Variants in FMO2 observed in about 807,000 individuals in gnomAD.
The protein encoded by FMO2 is flavin-containing monooxygenase 2.
FMO2 carries 33 observed loss-of-function variants against 41.6 expected under a neutral mutation model. That is an observed-to-expected ratio of 0.79 (90% CI 0.60 to 1.06). FMO2 has a LOEUF of 1.06. Among genes scored for constraint, FMO2 ranks in the 50% least tolerant of loss-of-function variants. FMO2 has a pLI of 0.00. For synonymous variants in FMO2, 214 were observed against 219.6 expected, an observed-to-expected ratio of 0.97 and a Z score of 0.23; for missense variants, 619 against 632.9, an observed-to-expected ratio of 0.98 and a Z score of 0.23.
intron 2 of FMO2, among the ~76,000 whole-genome samples, chr1:171,191,860 C>CAAAAAAAAAAA (rs61114452): frequency 8.1e-5 from 6 of 73,754 alleles, no homozygotes; most frequent in African/African-American, 3.3e-4. Context: ...CTCATCTCTA[C>CAAAAAAAAAAA]AAAAAAAAAA....
chr1:171,200,297 C>T (rs13376335), intron 5 of FMO2, among the ~76,000 whole-genome samples: 17,849 of 152,138 alleles, frequency 0.12, 1,196 homozygotes, highest in African/African-American at 0.17. Flanking sequence ...ATTCATTACA[C>T]GATGATGCTG....
At chr1:171,199,104 T>A (rs1571282911) in intron 4 of FMO2, 2 of 322,224 alleles carry the variant, frequency 6.2e-6, no homozygotes. Context: ...GGTTTCACTA[T>A]GCTGCTCAGG....
chr1:171,199,134 CTCAA>C, intron 4 of FMO2: 1 of 392,724 alleles, frequency 2.5e-6, no homozygotes, highest in Non-Finnish European at 4.5e-6. Context: ...AACTCCTGGG[CTCAA>C]TCAACCTGCC....
chr1:171,187,789 A>C (rs1184308797), intron 2 of FMO2, among the ~76,000 whole-genome samples: 1 of 152,130 alleles, frequency 6.6e-6, no homozygotes, highest in South Asian at 2.1e-4. Context: ...TAAAAATCTG[A>C]TCATTCTACT....
chr1:171,193,624 C>T, intron 3 of FMO2, 101 bp downstream of exon 3: 2 of 773,816 alleles, frequency 2.6e-6, no homozygotes, highest in Non-Finnish European at 2.1e-6. Context: ...ATGAAGTATC[C>T]CATTCTAAGT....
Position 171,208,868 on chromosome 1 carries a change from G to A in FMO2, c.1331G>A (p.Gly444Asp). The A allele has an allele frequency of 2.5e-6, 4 of 1,613,964 alleles. No individual in the cohort carries two copies. Among genetic ancestry groups the A allele is most frequent in the Non-Finnish European group, 3.4e-6 (4 of 1,179,862 alleles). The change falls in exon 9 of 9, where the codon GGT (glycine) becomes GAT (aspartate). Residue 444 changes from glycine (G) to aspartate (D), a missense_variant. Gly to Asp is a moderately conservative substitution (Grantham distance 94). Transcript: ENST00000209929. The stretch of plus-strand genomic sequence containing the variant: ...TTGGACGAGCTCGCCTTAGAGATAG[G>A]TGCGAAGCCAGATTTCTGCTCTCTC... The part of the protein sequence containing the change: ...DYLDELALEI[G>D]AKPDFCSLLF...
chr1:171,206,453 G>A (rs1295048468), intron 7 of FMO2, among the ~76,000 whole-genome samples: 3 of 152,176 alleles, frequency 2.0e-5, no homozygotes, highest in Non-Finnish European at 2.9e-5. Flanking sequence ...TGACGTATGA[G>A]GCAGAGAGAG....
At position 171,185,816 on chromosome 1, in the gene FMO2, G is replaced by A. The variant is rs1164993582; in HGVS notation, c.103G>A (p.Glu35Lys). ...GLEPTCFERT[E>K]DIGGVWRFKE... is the part of the protein sequence containing the mutation. ...TGAGCCCACTTGCTTTGAGAGAACT[G>A]AAGATATTGGAGGAGTGTGGAGGTT... The change falls in exon 2 of 9, where the codon GAA (glutamate) becomes AAA (lysine). Residue 35 changes from glutamate (E) to lysine (K), a missense_variant. Transcript: ENST00000209929. The A allele has an allele frequency of 6.2e-7, 1 of 1,613,764 alleles. No homozygotes were observed. The highest frequency in any genetic ancestry group is 1.3e-5 in the African/African-American group (1 of 74,904).
intron 3 of FMO2, among the ~76,000 whole-genome samples, chr1:171,196,212 A>T (rs1658305838): frequency 6.6e-6 from 1 of 152,256 alleles, no homozygotes; most frequent in South Asian, 2.1e-4. Flanking sequence ...GGGAAAAAAT[A>T]CAATTACATA....
At chr1:171,204,243 A>C (rs1658660937) in intron 6 of FMO2, among the ~76,000 whole-genome samples, 179 bp downstream of exon 6, 1 of 152,198 alleles carries the variant, frequency 6.6e-6, no homozygotes, top group African/African-American at 2.4e-5. Flanking sequence ...CCTTTAAAAA[A>C]TACTTAAGAA....
intron 4 of FMO2, among the ~76,000 whole-genome samples, chr1:171,197,821 C>A (rs910659566): frequency 1.3e-5 from 2 of 152,126 alleles, no homozygotes; most frequent in African/African-American, 4.8e-5. Context: ...TGCTTGGCTC[C>A]CTCACCATAC....
At chr1:171,194,271 C>T (rs921266602) in intron 3 of FMO2, among the ~76,000 whole-genome samples, 1 of 152,080 alleles carries the variant, frequency 6.6e-6, no homozygotes, top group Non-Finnish European at 1.5e-5. Flanking sequence ...GAAGTATTTG[C>T]TTATCATTTT....
intron 2 of FMO2, among the ~76,000 whole-genome samples, chr1:171,188,071 T>C (rs999068938): frequency 2.0e-5 from 3 of 148,330 alleles, no homozygotes; most frequent in Non-Finnish European, 4.5e-5. Context: ...AGGTAGATTC[T>C]TAACCTAAAC....
chr1:171,201,426 A>G (rs780205751), intron 5 of FMO2, among the ~76,000 whole-genome samples: 1 of 152,198 alleles, frequency 6.6e-6, no homozygotes, highest in Non-Finnish European at 1.5e-5. Flanking sequence ...TCTTACACAG[A>G]GTAATATACT....
At chr1:171,199,998 T>C (rs920035247) in intron 5 of FMO2, among the ~76,000 whole-genome samples, 1 of 152,188 alleles carries the variant, frequency 6.6e-6, no homozygotes, top group Non-Finnish European at 1.5e-5. Context: ...ATTACAGGCA[T>C]GCACAACCAC....
intron 5 of FMO2, among the ~76,000 whole-genome samples, chr1:171,202,957 T>C (rs114867280): frequency 0.016 from 2,504 of 152,252 alleles, 37 homozygotes; most frequent in Middle Eastern, 0.044. Context: ...AAGGGAAATC[T>C]TAATAAACAA....
chr1:171,195,666 G>A (rs900270967), intron 3 of FMO2, among the ~76,000 whole-genome samples: 2 of 152,112 alleles, frequency 1.3e-5, no homozygotes, highest in African/African-American at 4.8e-5. Flanking sequence ...TAAAATACTT[G>A]CAAATGAGAA....
rs1027497222 is a variant in FMO2, at chr1:171,207,744, A to C, written c.1210A>C (p.Thr404Pro). 8.7e-6 allele frequency: 14 copies of C among 1,611,266 alleles called. No homozygotes were observed. Among genetic ancestry groups the C allele is most frequent in the Non-Finnish European group, 1.2e-5 (14 of 1,178,122 alleles). The stretch of plus-strand genomic sequence containing the variant: ...CTTGTGTAGCCTGCCCTCAGAGAGA[A>C]CTATGATGATGGACATTATCAAAAG... ...KGLCSLPSER[T>P]MMMDIIKRNE... Residue 404 changes from threonine (T) to proline (P), a missense_variant, in exon 8 of 9, where the codon ACT becomes CCT. Thr to Pro is a conservative substitution (Grantham distance 38). Coordinates refer to ENST00000209929, the MANE Select transcript of FMO2 (RefSeq NM_001460.5).
chr1:171,194,561 C>A (rs1182404547), intron 3 of FMO2, among the ~76,000 whole-genome samples: 1 of 152,050 alleles, frequency 6.6e-6, no homozygotes, highest in Non-Finnish European at 1.5e-5. Context: ...AGTCTGAGAC[C>A]AACCTGGGCA....
Sources: gnomAD v4.1 joint callset for allele counts (sites outside exome capture counted in the v4.1 genomes callset) on GRCh38, gnomAD v4.1.1 for gene constraint, MANE v1.5 for transcripts, NCBI Gene and HGNC (gene_info 2026-07-23, HGNC 2026-07-21) for gene names.